The following ERGIC1 variants were observed in gnomAD, a reference collection of about 807,000 sequenced individuals.
ERGIC1 encodes endoplasmic reticulum-golgi intermediate compartment 1, also known as endoplasmic reticulum-Golgi intermediate compartment protein 1.
ERGIC1 carries 19 observed loss-of-function variants against 38.3 expected under a neutral mutation model. The observed-to-expected ratio is 0.50, with a 90% confidence interval of 0.35 to 0.73. The LOEUF is 0.73. Ranked by LOEUF, ERGIC1 falls within the 30% of genes least tolerant of loss-of-function variation. The pLI is 0.01. For synonymous variants in ERGIC1, 124 were observed against 157.6 expected (o/e 0.79, Z 1.60); for missense variants, 294 against 389.2 (o/e 0.76, Z 2.06).
chr5:172,949,394 C>G (rs1764185159), intron 9 of ERGIC1, among the ~76,000 whole-genome samples: 1 of 152,170 alleles, frequency 6.6e-6, no homozygotes, highest in African/African-American at 2.4e-5. Context: ...AGAATAGTAC[C>G]TACTGCCTAG....
chr5:172,920,540 C>T, intron 5 of ERGIC1: 1 of 690,024 alleles, frequency 1.4e-6, no homozygotes, highest in Non-Finnish European at 2.7e-6. Flanking sequence ...ATCAGAGACA[C>T]TGACGTAGGT....
chr5:172,879,278 G>A (rs991204919), intron 1 of ERGIC1, among the ~76,000 whole-genome samples: 4 of 152,350 alleles, frequency 2.6e-5, no homozygotes, highest in Middle Eastern at 3.4e-3. Context: ...GGGAGCAGGG[G>A]AAGACGTGTT....
At chr5:172,868,724 T>C (rs995477800) in intron 1 of ERGIC1, among the ~76,000 whole-genome samples, 2 of 152,196 alleles carry the variant, frequency 1.3e-5, no homozygotes, top group Non-Finnish European at 2.9e-5. Flanking sequence ...GAGTCAGTGT[T>C]CATTCATCAA....
chr5:172,902,788 C>A (rs1455585543), intron 3 of ERGIC1, among the ~76,000 whole-genome samples: 1 of 152,088 alleles, frequency 6.6e-6, no homozygotes, highest in Non-Finnish European at 1.5e-5. Context: ...TTGCGGCAGG[C>A]CTCACCGCCG....
intron 9 of ERGIC1, among the ~76,000 whole-genome samples, chr5:172,942,792 G>A (rs567210082): frequency 1.8e-4 from 27 of 152,222 alleles, no homozygotes; most frequent in African/African-American, 5.3e-4. Flanking sequence ...ACGTGAGACC[G>A]AGTGGGCTCC....
At chr5:172,875,000 A>G (rs1251390215) in intron 1 of ERGIC1, among the ~76,000 whole-genome samples, 1 of 152,032 alleles carries the variant, frequency 6.6e-6, no homozygotes, top group African/African-American at 2.4e-5. Context: ...TTGAAAATAG[A>G]CTTAAGTAAG....
chr5:172,893,895 A>G (rs373575881), intron 2 of ERGIC1, among the ~76,000 whole-genome samples: 648 of 17,834 alleles, frequency 0.036, 26 homozygotes, highest in Middle Eastern at 0.091. Flanking sequence ...ATATATATAT[A>G]TATATATATA....
intron 1 of ERGIC1, among the ~76,000 whole-genome samples, chr5:172,845,679 C>T (rs544610301): frequency 6.6e-6 from 1 of 152,320 alleles, no homozygotes; most frequent in African/African-American, 2.4e-5. Context: ...TTTGGAATAG[C>T]TGAGATTTAC....
chr5:172,851,518 T>TA (rs1359184912), intron 1 of ERGIC1, among the ~76,000 whole-genome samples: 9 of 152,140 alleles, frequency 5.9e-5, no homozygotes, highest in Non-Finnish European at 1.0e-4. Context: ...CAATAAAAAA[T>TA]AAAAAAATTG....
At chr5:172,863,410 G>A (rs534520426) in intron 1 of ERGIC1, among the ~76,000 whole-genome samples, 39 of 152,244 alleles carry the variant, frequency 2.6e-4, no homozygotes, top group African/African-American at 9.1e-4. Flanking sequence ...CCCAATCTGG[G>A]TTCCACCTAA....
At chr5:172,947,912 G>GT (rs1287144217) in intron 9 of ERGIC1, among the ~76,000 whole-genome samples, 10 of 144,658 alleles carry the variant, frequency 6.9e-5, no homozygotes, top group Admixed American at 4.1e-4. Context: ...GTGTGTGTGT[G>GT]GTTATTTTTT....
At position 172,842,442 on chromosome 5, in the gene ERGIC1, C is replaced by T. The variant is rs559147956; in HGVS notation, c.20+8009C>T. On this transcript the variant is annotated intron_variant, in intron 1 of 9. Coordinates refer to ENST00000393784, the MANE Select transcript of ERGIC1 (RefSeq NM_001031711.3). Reference sequence around the variant, plus strand: ...CCATTAATAGACATTTAGGTTGTTTCCACATCTTGGCAGTTATGAATAATG... The same window carrying T: ...CCATTAATAGACATTTAGGTTGTTTTCACATCTTGGCAGTTATGAATAATG... Among the ~76,000 whole-genome samples the T allele has an allele frequency of 9.2e-5, 14 of 152,268 alleles. No individual in the cohort carries two copies. The South Asian group carries it at 2.3e-3, about 25-fold the overall frequency.
chr5:172,926,752 G>A lies in ERGIC1; in HGVS notation c.541+183G>A. 1.6e-6 allele frequency: 1 copy of A among 635,650 alleles called. No homozygotes were observed. Among genetic ancestry groups the A allele is most frequent in the South Asian group, 1.9e-5 (1 of 52,592 alleles). The allele number at this position is 635,650 out of a possible 1,614,324, so 39.4% of individuals were successfully genotyped here. ...GTGGACCCAGCCCCGTCCAGACCCA[G>A]ACCCTGATGGAGAAGGAAGAAGGCT... On this transcript the variant is annotated intron_variant, in intron 7 of 9. Transcript: ENST00000393784. The surrounding 1 kb of genome is among the most constrained non-coding windows in gnomAD (Gnocchi z 5.2).
rs68060196 is a variant in ERGIC1, at chr5:172,834,580, G to GCCC, written c.20+154_20+156dup. 1,329 of 534,102 alleles carry GCCC rather than the reference G, an allele frequency of 2.5e-3. 4 individuals are homozygous for GCCC. Among genetic ancestry groups the GCCC allele is most frequent in the African/African-American group, 5.9e-3 (242 of 40,824 alleles). The allele number at this position is 534,102 out of a possible 1,614,324, so 33.1% of individuals were successfully genotyped here. A position where few individuals can be genotyped will look rare whatever the true frequency, so the allele number is the denominator to read the frequency against. ...GCAGGCCCCTAGGGACCCCAGGCGA[G>GCCC]CCCCCCCCCTGCCGCACACGAAGCC... On this transcript the variant is annotated intron_variant, in intron 1 of 9. Transcript: ENST00000393784. The surrounding 1 kb of genome is among the most constrained non-coding windows in gnomAD (Gnocchi z 4.1).
chr5:172,929,512 G>A (rs866373969), intron 7 of ERGIC1, among the ~76,000 whole-genome samples: 2 of 152,124 alleles, frequency 1.3e-5, no homozygotes, highest in South Asian at 4.1e-4. Context: ...GTGGGCATTT[G>A]GCAAATTGTA....
intron 5 of ERGIC1, among the ~76,000 whole-genome samples, chr5:172,921,968 C>A (rs1225798088): frequency 6.6e-6 from 1 of 152,254 alleles, no homozygotes; most frequent in African/African-American, 2.4e-5. Context: ...TTCCCTGTAA[C>A]CCCCATGGTC....
chr5:172,874,987 C>G (rs1163365061), intron 1 of ERGIC1, among the ~76,000 whole-genome samples: 2 of 150,998 alleles, frequency 1.3e-5, no homozygotes, highest in African/African-American at 4.9e-5. Context: ...GAGGAGATGA[C>G]ATTTGAAAAT....
At chr5:172,944,484 G>C (rs1227495456) in intron 9 of ERGIC1, among the ~76,000 whole-genome samples, 1 of 152,064 alleles carries the variant, frequency 6.6e-6, no homozygotes, top group Non-Finnish European at 1.5e-5. Flanking sequence ...TCAGCCTCCT[G>C]AGTAGCTAGG....
Position 172,834,713 on chromosome 5 carries a change from C to G in ERGIC1, c.20+280C>G, listed in dbSNP as rs1183643961. Among the ~76,000 whole-genome samples, 4 of 152,040 alleles carry G rather than the reference C, an allele frequency of 2.6e-5. No homozygotes were observed. Among genetic ancestry groups the G allele is most frequent in the African/African-American group, 7.2e-5 (3 of 41,398 alleles). On this transcript the variant is annotated intron_variant, in intron 1 of 9. Coordinates refer to ENST00000393784, the MANE Select transcript of ERGIC1 (RefSeq NM_001031711.3). The surrounding 1 kb of genome is among the most constrained non-coding windows in gnomAD (Gnocchi z 4.1). ...CCGGATACCTTGCATTCCCCTCCCC[C>G]ACACTAGGAAACATTTCCTCCCTCC...
Sources: allele counts gnomAD v4.1 joint callset (sites outside exome capture counted in the v4.1 genomes callset), GRCh38; gene constraint gnomAD v4.1.1; non-coding constraint Gnocchi (gnomAD v3.1); transcripts MANE v1.5; gene names NCBI Gene and HGNC (gene_info 2026-07-23, HGNC 2026-07-21).